MACROD2: variants seen among roughly 807,000 people sequenced by gnomAD.
The protein encoded by MACROD2 is ADP-ribose glycohydrolase MACROD2.
Under a neutral mutation model 70.4 loss-of-function variants are expected in MACROD2, and 36 were observed. The ratio of observed to expected loss-of-function variants is 0.51; its 90% confidence interval spans 0.39 to 0.68. The LOEUF is 0.68. MACROD2 is among the 30% of genes least tolerant of loss of function. MACROD2 has a pLI of 0.00. For synonymous variants in MACROD2, 172 were observed against 178.8 expected (o/e 0.96, Z 0.30); for missense variants, 496 against 538.4 (o/e 0.92, Z 0.78).
chr20:14,680,548 T>C (rs2070919814), intron 4 of MACROD2, among the ~76,000 whole-genome samples: 1 of 152,130 alleles, frequency 6.6e-6, no homozygotes, highest in Admixed American at 6.6e-5. Context: ...TAGAACAAAC[T>C]TCTAAGATAA....
intron 4 of MACROD2, among the ~76,000 whole-genome samples, chr20:14,554,183 T>C (rs1978862999): frequency 6.6e-6 from 1 of 152,182 alleles, no homozygotes; most frequent in Admixed American, 6.5e-5. Context: ...AAAGGTTGCC[T>C]ATGAATCATC....
chr20:14,667,083 T>C (rs1206959685), intron 4 of MACROD2, among the ~76,000 whole-genome samples: 2 of 152,064 alleles, frequency 1.3e-5, no homozygotes, highest in Non-Finnish European at 2.9e-5. Flanking sequence ...GCCTGATACC[T>C]GGAAAAATCT....
At chr20:15,150,020 T>C (rs906459460) in intron 5 of MACROD2, among the ~76,000 whole-genome samples, 1 of 150,004 alleles carries the variant, frequency 6.7e-6, no homozygotes, top group Non-Finnish European at 1.5e-5. Context: ...TATCCAACCA[T>C]GCCCAGGAAG....
chr20:14,096,300 T>A (rs2054224054), intron 3 of MACROD2, among the ~76,000 whole-genome samples: 1 of 152,050 alleles, frequency 6.6e-6, no homozygotes, highest in Admixed American at 6.6e-5. Context: ...CTAATTCCTG[T>A]GATGAATAAA....
chr20:14,567,100 G>T (rs1979863020), intron 4 of MACROD2, among the ~76,000 whole-genome samples: 1 of 151,890 alleles, frequency 6.6e-6, no homozygotes, highest in Admixed American at 6.6e-5. Flanking sequence ...TAGGACTACA[G>T]GTGTGTGCCA....
intron 6 of MACROD2, among the ~76,000 whole-genome samples, chr20:15,324,596 A>T (rs1207089147): frequency 6.6e-6 from 1 of 152,206 alleles, no homozygotes; most frequent in Non-Finnish European, 1.5e-5. Context: ...CAAATGCTTG[A>T]AATTGAAGTA....
intron 9 of MACROD2, 99 bp downstream of exon 9, chr20:15,862,925 C>T: frequency 1.2e-6 from 1 of 832,772 alleles, no homozygotes; most frequent in Admixed American, 2.8e-5. Context: ...GACTGTTACA[C>T]ATGGTGATCC....
chr20:15,405,111 G>T (rs2045982025), intron 6 of MACROD2, among the ~76,000 whole-genome samples: 1 of 152,118 alleles, frequency 6.6e-6, no homozygotes, highest in Non-Finnish European at 1.5e-5. Flanking sequence ...GTGTATTAGT[G>T]GTTGTCAGAG....
At chr20:15,090,631 G>C (rs2075785912) in intron 5 of MACROD2, among the ~76,000 whole-genome samples, 1 of 152,090 alleles carries the variant, frequency 6.6e-6, no homozygotes, top group Non-Finnish European at 1.5e-5. Context: ...TGAAAGAGCT[G>C]TTCAAAGTTT....
At chr20:14,955,516 C>T (rs868146544) in intron 5 of MACROD2, among the ~76,000 whole-genome samples, 1 of 151,570 alleles carries the variant, frequency 6.6e-6, no homozygotes, top group Non-Finnish European at 1.5e-5. Flanking sequence ...CATGATATAT[C>T]CAAGGTAGAA....
At chr20:14,429,655 G>A (rs2083973632) in intron 3 of MACROD2, among the ~76,000 whole-genome samples, 1 of 152,086 alleles carries the variant, frequency 6.6e-6, no homozygotes, top group Non-Finnish European at 1.5e-5. Context: ...CCTAAGTCAG[G>A]CATCAGCACC....
intron 3 of MACROD2, among the ~76,000 whole-genome samples, chr20:14,149,006 C>G (rs2054978355): frequency 6.6e-6 from 1 of 152,050 alleles, no homozygotes; most frequent in South Asian, 2.1e-4. Context: ...TACTCTTCTT[C>G]CCCTACCTCT....
At chr20:14,746,587 A>T (rs975615626) in intron 5 of MACROD2, among the ~76,000 whole-genome samples, 4 of 152,140 alleles carry the variant, frequency 2.6e-5, no homozygotes, top group African/African-American at 9.7e-5. Context: ...CACGCATTTC[A>T]TTCTATTGCC....
intron 6 of MACROD2, among the ~76,000 whole-genome samples, chr20:15,378,367 T>C (rs572507176): frequency 1.3e-5 from 2 of 148,198 alleles, no homozygotes; most frequent in South Asian, 4.3e-4. Flanking sequence ...AATCCAGGCA[T>C]GAGGAGATGA....
intron 6 of MACROD2, among the ~76,000 whole-genome samples, chr20:15,244,591 ACT>A (rs1248914045): frequency 6.6e-6 from 1 of 152,078 alleles, no homozygotes; most frequent in African/African-American, 2.4e-5. Flanking sequence ...TTTCCCTCTC[ACT>A]ACTGCAAGTG....
intron 8 of MACROD2, among the ~76,000 whole-genome samples, chr20:15,615,570 G>A (rs1200264646): frequency 6.6e-6 from 1 of 152,074 alleles, no homozygotes; most frequent in Non-Finnish European, 1.5e-5. Flanking sequence ...CTCGATACTA[G>A]CAGCACAAGA....
chr20:14,853,492 T>C (rs1413861195), intron 5 of MACROD2, among the ~76,000 whole-genome samples: 1 of 142,388 alleles, frequency 7.0e-6, no homozygotes, highest in Non-Finnish European at 1.6e-5. Flanking sequence ...AAGACAAAGC[T>C]GTATAAAGTC....
At chr20:14,580,653 A>G (rs1980950990) in intron 4 of MACROD2, among the ~76,000 whole-genome samples, 1 of 152,224 alleles carries the variant, frequency 6.6e-6, no homozygotes, top group Non-Finnish European at 1.5e-5. Flanking sequence ...TGGTCAGGTC[A>G]AAACACTGAT....
intron 3 of MACROD2, among the ~76,000 whole-genome samples, chr20:14,153,519 G>A (rs78094435): frequency 0.011 from 1,725 of 152,234 alleles, 15 homozygotes; most frequent in South Asian, 0.037. Flanking sequence ...ATTTTTTTCA[G>A]ATACAACCAA....
Sources: gnomAD v4.1 joint callset for allele counts (sites outside exome capture counted in the v4.1 genomes callset) on GRCh38, gnomAD v4.1.1 for gene constraint, MANE v1.5 for transcripts, NCBI Gene and HGNC (gene_info 2026-07-23, HGNC 2026-07-21) for gene names.